The following ARHGAP8 variants were observed in gnomAD, a reference collection of about 807,000 sequenced individuals.
ARHGAP8 encodes rho GTPase-activating protein 8.
ARHGAP8 carries 62 observed loss-of-function variants against 46.1 expected under a neutral mutation model. The observed-to-expected ratio is 1.34, with a 90% confidence interval of 1.10 to 1.66. ARHGAP8 has a LOEUF of 1.66. Ranked by LOEUF, ARHGAP8 falls within the 40% of genes most tolerant of loss-of-function variation. The pLI is 0.00. For synonymous variants in ARHGAP8, 375 were observed against 243.1 expected (o/e 1.54, Z -5.05); for missense variants, 923 against 568.4 (o/e 1.62, Z -6.34).
chr22:44,856,574 T>TTGA (rs1175974287), intron 10 of ARHGAP8, among the ~76,000 whole-genome samples: 7 of 146,318 alleles, frequency 4.8e-5, no homozygotes, highest in Non-Finnish European at 7.5e-5. Flanking sequence ...GCGCCCGGCC[T>TTGA]GTAAATTCTT....
intron 1 of ARHGAP8, among the ~76,000 whole-genome samples, chr22:44,780,195 A>G (rs1218408857): frequency 6.6e-6 from 1 of 152,182 alleles, no homozygotes; most frequent in African/African-American, 2.4e-5. Context: ...CTAACTTTAT[A>G]AAAATACACT....
At chr22:44,852,770 A>G (rs991452368) in intron 10 of ARHGAP8, among the ~76,000 whole-genome samples, 2 of 152,134 alleles carry the variant, frequency 1.3e-5, no homozygotes, top group African/African-American at 4.8e-5. Flanking sequence ...TGAACAAACC[A>G]TAAGTTCCGG....
At chr22:44,772,064 TAAG>T (rs1383136929) in intron 1 of ARHGAP8, among the ~76,000 whole-genome samples, 4 of 152,112 alleles carry the variant, frequency 2.6e-5, no homozygotes, top group Non-Finnish European at 5.9e-5. Context: ...CTACATGGTT[TAAG>T]AAGTTTTCTT....
At chr22:44,781,218 G>C (rs1331584450) in intron 1 of ARHGAP8, among the ~76,000 whole-genome samples, 1 of 150,884 alleles carries the variant, frequency 6.6e-6, no homozygotes. Context: ...CCAGATGCAG[G>C]AAGTCTTCGT....
At chr22:44,770,430 G>C (rs1473969235) in intron 1 of ARHGAP8, among the ~76,000 whole-genome samples, 1 of 150,936 alleles carries the variant, frequency 6.6e-6, no homozygotes, top group East Asian at 1.9e-4. Flanking sequence ...TTTTGAGACA[G>C]TGTCTCTCTG....
chr22:44,825,200 C>T (rs80228596), intron 6 of ARHGAP8, among the ~76,000 whole-genome samples: 2,141 of 152,080 alleles, frequency 0.014, 35 homozygotes, highest in Middle Eastern at 0.048. Context: ...TGGGGCTGAC[C>T]GCATGGTAAG....
At position 44,772,223 on chromosome 22, in the gene ARHGAP8, C is replaced by CTTTTTTTTTTTTT. The variant is rs71188484; in HGVS notation, c.-71-14216_-71-14204dup. Among the ~76,000 whole-genome samples, 5 of 16,402 alleles carry CTTTTTTTTTTTTT rather than the reference C, an allele frequency of 3.0e-4. 2 individuals are homozygous for CTTTTTTTTTTTTT. The highest frequency in any genetic ancestry group is 8.2e-4 in the Non-Finnish European group (5 of 6,088). 10.8% of individuals were successfully genotyped at this position (16,402 alleles called of 152,430 possible). ...TGTTTCTGTTTTACTACTGTTTTGC[C>CTTTTTTTTTTTTT]TTTTTTTTTTTTTTTTTTTTTTTTT... On this transcript the variant is annotated intron_variant, in intron 1 of 11. Transcript: ENST00000356099.
At chr22:44,753,944 C>T (rs534671504) in intron 1 of ARHGAP8, among the ~76,000 whole-genome samples, 1 of 152,174 alleles carries the variant, frequency 6.6e-6, no homozygotes, top group Non-Finnish European at 1.5e-5. Flanking sequence ...TCTCTGTTGG[C>T]AGCTTTAGGA....
chr22:44,795,799 C>G (rs984222845), intron 2 of ARHGAP8, among the ~76,000 whole-genome samples: 10 of 152,228 alleles, frequency 6.6e-5, no homozygotes, highest in Admixed American at 6.5e-4. Context: ...CCCAGGACAC[C>G]TCCCGGGACC....
At chr22:44,811,400 C>T (rs768377333) in intron 4 of ARHGAP8, among the ~76,000 whole-genome samples, 1 of 152,164 alleles carries the variant, frequency 6.6e-6, no homozygotes, top group Non-Finnish European at 1.5e-5. Flanking sequence ...AGTGGAGCCA[C>T]GCAGGTGGAG....
At chr22:44,807,890 C>T (rs1165585084) in intron 3 of ARHGAP8, among the ~76,000 whole-genome samples, 1 of 152,220 alleles carries the variant, frequency 6.6e-6, no homozygotes, top group African/African-American at 2.4e-5. Context: ...TCTGACTTCT[C>T]ATCTTCGTGT....
intron 1 of ARHGAP8, among the ~76,000 whole-genome samples, chr22:44,763,041 T>G (rs926408102): frequency 1.3e-5 from 2 of 152,108 alleles, no homozygotes; most frequent in Admixed American, 1.3e-4. Context: ...CAGTGATTTA[T>G]CCAATGACGC....
chr22:44,774,679 C>T (rs1382254974), intron 1 of ARHGAP8, among the ~76,000 whole-genome samples: 1 of 151,864 alleles, frequency 6.6e-6, no homozygotes, highest in Non-Finnish European at 1.5e-5. Flanking sequence ...CCCGCCACCA[C>T]ACCTGGCTAA....
chr22:44,814,885 T>G, intron 5 of ARHGAP8, 127 bp downstream of exon 5: 1 of 1,110,244 alleles, frequency 9.0e-7, no homozygotes, highest in Non-Finnish European at 1.3e-6. Flanking sequence ...TATCTGGGGC[T>G]CCCTACCCGC....
intron 2 of ARHGAP8, among the ~76,000 whole-genome samples, chr22:44,792,021 C>CTTTTTTTT (rs748389226): frequency 1.3e-5 from 1 of 78,144 alleles, no homozygotes; most frequent in African/African-American, 5.2e-5. Flanking sequence ...TTCTTTCTTT[C>CTTTTTTTT]TTTTTTTTTT....
At chr22:44,753,024 G>C (rs533673290) in intron 1 of ARHGAP8, among the ~76,000 whole-genome samples, 60 of 151,966 alleles carry the variant, frequency 3.9e-4, no homozygotes, top group Non-Finnish European at 7.8e-4. Flanking sequence ...GGGGTCTCAG[G>C]TTAGGTCGGG....
intron 7 of ARHGAP8, among the ~76,000 whole-genome samples, chr22:44,840,849 G>A (rs147384851): frequency 3.9e-5 from 6 of 152,334 alleles, no homozygotes; most frequent in East Asian, 1.9e-4. Context: ...CCCTGGGGTC[G>A]CTTTTAAAAG....
At chr22:44,814,978 C>T (rs1011400489) in intron 5 of ARHGAP8, among the ~76,000 whole-genome samples, 2 of 152,146 alleles carry the variant, frequency 1.3e-5, no homozygotes, top group Admixed American at 6.5e-5. Flanking sequence ...GTGGGGTTTG[C>T]ACCTGGTGTT....
intron 3 of ARHGAP8, among the ~76,000 whole-genome samples, chr22:44,803,482 C>G (rs749582574): frequency 7.9e-5 from 12 of 152,064 alleles, no homozygotes; most frequent in Non-Finnish European, 1.5e-4. Context: ...CATTACCCCT[C>G]CTGGGTCTAC....
Sources: allele counts gnomAD v4.1 joint callset (sites outside exome capture counted in the v4.1 genomes callset), GRCh38; gene constraint gnomAD v4.1.1; transcripts MANE v1.5; gene names NCBI Gene and HGNC (gene_info 2026-07-23, HGNC 2026-07-21).